GNAO1: variants seen among roughly 807,000 people sequenced by gnomAD.
The protein encoded by GNAO1 is guanine nucleotide-binding protein G(o) subunit alpha.
For synonymous variants in GNAO1, 164 were observed against 180.7 expected (o/e 0.91, Z 0.74); for missense variants, 166 against 478.7 (o/e 0.35, Z 6.10).
At position 56,351,948 on chromosome 16, in the gene GNAO1, G is replaced by T. The variant is rs1324568135; in HGVS notation, c.877+411G>T. 15 of 174,952 alleles carry T rather than the reference G, an allele frequency of 8.6e-5. No individual in the cohort carries two copies. Among genetic ancestry groups the T allele is most frequent in the Non-Finnish European group, 1.7e-4 (14 of 82,812 alleles). The allele number at this position is 174,952 out of a possible 1,614,324, so 10.8% of individuals were successfully genotyped here. On this transcript the variant is annotated intron_variant, in intron 7 of 8. Coordinates refer to ENST00000262493, the MANE Select transcript of GNAO1 (RefSeq NM_020988.3). The surrounding 1 kb of genome is among the most constrained non-coding windows in gnomAD (Gnocchi z 6.1). ...TTGCATGAAACCGAAAAGTGGACAC[G>T]TGGCCTGTGAACAGGGCCTGGACTG...
At chr16:56,332,413 G>A (rs565998689) in intron 4 of GNAO1, among the ~76,000 whole-genome samples, 4 of 152,042 alleles carry the variant, frequency 2.6e-5, no homozygotes, top group South Asian at 2.1e-4. Flanking sequence ...CTATCCAGAC[G>A]CCTTCCCCAA....
intron 6 of GNAO1, chr16:56,347,766 C>T: frequency 2.4e-6 from 2 of 838,396 alleles, no homozygotes; most frequent in Non-Finnish European, 2.9e-6. Flanking sequence ...TCCCTCCCCA[C>T]CCCTCCCCTC....
At chr16:56,274,178 TCA>T (rs1446134958) in intron 2 of GNAO1, among the ~76,000 whole-genome samples, 1 of 152,214 alleles carries the variant, frequency 6.6e-6, no homozygotes, top group Non-Finnish European at 1.5e-5. Context: ...GCCCAGGCCA[TCA>T]CCGGACTCTC....
chr16:56,310,891 C>A (rs991478996), intron 3 of GNAO1, among the ~76,000 whole-genome samples: 1 of 152,088 alleles, frequency 6.6e-6, no homozygotes, highest in Non-Finnish European at 1.5e-5. Flanking sequence ...CTTATGGCAC[C>A]ACCACCCCCT....
intron 6 of GNAO1, among the ~76,000 whole-genome samples, chr16:56,341,163 G>C (rs1484144936): frequency 6.6e-6 from 1 of 152,186 alleles, no homozygotes; most frequent in Non-Finnish European, 1.5e-5. Context: ...GCTAGCCGGG[G>C]CTTCCTCATC....
chr16:56,344,708 G>A, intron 6 of GNAO1: 13 of 985,336 alleles, frequency 1.3e-5, no homozygotes, highest in Non-Finnish European at 1.6e-5. Flanking sequence ...CACCTGGGCT[G>A]GGGCCTCCCG....
intron 2 of GNAO1, among the ~76,000 whole-genome samples, chr16:56,253,247 G>A (rs12325504): frequency 0.083 from 12,570 of 152,072 alleles, 574 homozygotes; most frequent in African/African-American, 0.11. Context: ...CATCTCACCC[G>A]CAACAGTGTG....
At chr16:56,348,349 G>A in intron 6 of GNAO1, 2 of 210,142 alleles carry the variant, frequency 9.5e-6, no homozygotes, top group Non-Finnish European at 1.7e-5. Flanking sequence ...GAGGATCAGG[G>A]CGACTGGGCG....
intron 4 of GNAO1, among the ~76,000 whole-genome samples, chr16:56,331,017 A>G (rs1449624930): frequency 6.6e-6 from 1 of 152,242 alleles, no homozygotes; most frequent in Non-Finnish European, 1.5e-5. Context: ...GTTAGACCTC[A>G]GCTTCTGACA....
chr16:56,221,651 C>CAAAAAAAAAAAA (rs11306838), intron 2 of GNAO1, among the ~76,000 whole-genome samples: 1 of 83,858 alleles, frequency 1.2e-5, no homozygotes, highest in Non-Finnish European at 2.4e-5. Flanking sequence ...GACTGCATCT[C>CAAAAAAAAAAAA]AAAAAAAAAA....
chr16:56,344,342 G>A (rs778033213), intron 6 of GNAO1: 16 of 1,062,898 alleles, frequency 1.5e-5, no homozygotes, highest in Non-Finnish European at 1.8e-5. Flanking sequence ...TGGCCCTGCA[G>A]CAGGGTGCTG....
At chr16:56,215,874 G>T (rs1368274655) in intron 2 of GNAO1, among the ~76,000 whole-genome samples, 1 of 152,186 alleles carries the variant, frequency 6.6e-6, no homozygotes, top group African/African-American at 2.4e-5. Flanking sequence ...TCTGTATTGA[G>T]TACTTACTGT....
intron 6 of GNAO1, chr16:56,345,015 C>T (rs530225146): frequency 2.0e-6 from 2 of 985,494 alleles, no homozygotes; most frequent in Non-Finnish European, 2.4e-6. Context: ...ATGGAGCTGA[C>T]ACCCTGGAGT....
chr16:56,209,702 ATACT>A (rs1406937353), intron 2 of GNAO1, among the ~76,000 whole-genome samples: 4 of 152,126 alleles, frequency 2.6e-5, no homozygotes, highest in African/African-American at 4.8e-5. Flanking sequence ...TTATAACTAG[ATACT>A]TAATGTTTAC....
intron 3 of GNAO1, among the ~76,000 whole-genome samples, chr16:56,315,613 G>C (rs576008106): frequency 6.6e-6 from 1 of 152,156 alleles, no homozygotes; most frequent in Non-Finnish European, 1.5e-5. Context: ...GAGGCACCAC[G>C]TAAGGCTGTC....
intron 2 of GNAO1, among the ~76,000 whole-genome samples, chr16:56,259,222 T>A (rs1383892733): frequency 6.6e-6 from 1 of 152,212 alleles, no homozygotes; most frequent in Non-Finnish European, 1.5e-5. Context: ...CAAATGCATC[T>A]TCAGCCTCAC....
intron 6 of GNAO1, among the ~76,000 whole-genome samples, chr16:56,349,294 G>C (rs557149580): frequency 6.6e-6 from 1 of 152,336 alleles, no homozygotes; most frequent in East Asian, 1.9e-4. Context: ...CTTGGCTCTG[G>C]CTGTGGGTTT....
chr16:56,355,155 C>A (rs1395808038), intron 8 of GNAO1, 74 bp downstream of exon 8: 3 of 512,246 alleles, frequency 5.9e-6, no homozygotes, highest in Non-Finnish European at 1.0e-5. Context: ...CACACACACA[C>A]CACTAACAAA....
At chr16:56,193,985 GT>G (rs1160529871) in intron 2 of GNAO1, 2 of 384,132 alleles carry the variant, frequency 5.2e-6, no homozygotes, top group African/African-American at 4.2e-5. Context: ...AACCCCTTTC[GT>G]GGGAAGGTGG....
Sources: allele counts gnomAD v4.1 joint callset (sites outside exome capture counted in the v4.1 genomes callset), GRCh38; gene constraint gnomAD v4.1.1; non-coding constraint Gnocchi (gnomAD v3.1); transcripts MANE v1.5; gene names NCBI Gene and HGNC (gene_info 2026-07-23, HGNC 2026-07-21).